The following CARD6 variants were observed in gnomAD, a reference collection of about 807,000 sequenced individuals.
CARD6 encodes caspase recruitment domain-containing protein 6.
In CARD6, 27 loss-of-function variants were observed where a neutral mutation model predicts 23.6. The ratio of observed to expected loss-of-function variants is 1.14; its 90% CI spans 0.84 to 1.58. The LOEUF is 1.58. Ranked by LOEUF, CARD6 falls within the 40% of genes most tolerant of loss-of-function variation. The pLI, the probability that CARD6 is intolerant of heterozygous loss-of-function variation, is 0.00. For synonymous variants in CARD6, 397 were observed against 431.8 expected (o/e 0.92, Z 1.00); for missense variants, 1,214 against 1,209.9 (o/e 1.00, Z -0.05).
rs1746156133 is a variant in CARD6 at position 40,854,531 on chromosome 5, TA to T, written c.*89del. The T allele has an allele frequency of 9.6e-7, 1 of 1,038,888 alleles. No homozygotes were observed. The highest frequency in any genetic ancestry group is 2.2e-5 in the Admixed American group (1 of 45,018). The allele number at this position is 1,038,888 out of a possible 1,614,324, so 64.4% of individuals were successfully genotyped here. A position where few individuals can be genotyped will look rare whatever the true frequency, so the allele number is the denominator to read the frequency against. On this transcript the variant is annotated 3_prime_UTR_variant, in exon 3 of 3. Coordinates refer to ENST00000254691, the MANE Select transcript of CARD6 (RefSeq NM_032587.4). ...GTAAGCAGAAGAGTTGCCATGAAAG[TA>T]AAAGACTACTGTCATTAGCATGTAA...
intron 1 of CARD6, among the ~76,000 whole-genome samples, chr5:40,842,346 G>T (rs1745876374): frequency 6.6e-6 from 1 of 152,224 alleles, no homozygotes; most frequent in South Asian, 2.1e-4. Flanking sequence ...TAGAGAGGTA[G>T]AGGCTCAGAT....
chr5:40,844,576 T>C (rs1451469052), intron 2 of CARD6, among the ~76,000 whole-genome samples: 1 of 152,196 alleles, frequency 6.6e-6, no homozygotes, highest in Non-Finnish European at 1.5e-5. Context: ...GAGAAGTGTT[T>C]CATTGGAGTG....
At chr5:40,845,614 C>T (rs1745953963) in intron 2 of CARD6, among the ~76,000 whole-genome samples, 1 of 152,098 alleles carries the variant, frequency 6.6e-6, no homozygotes, top group South Asian at 2.1e-4. Context: ...ATAGTATCAT[C>T]ATTATTCTGC....
chr5:40,850,230 T>C (rs1746038443), intron 2 of CARD6, among the ~76,000 whole-genome samples: 1 of 151,094 alleles, frequency 6.6e-6, no homozygotes, highest in Non-Finnish European at 1.5e-5. Context: ...CTGGCTAACA[T>C]AGTGAAACCC....
chr5:40,847,961 T>C (rs1163687258), intron 2 of CARD6, among the ~76,000 whole-genome samples: 1 of 152,028 alleles, frequency 6.6e-6, no homozygotes, highest in Non-Finnish European at 1.5e-5. Context: ...ATTTTAGAGT[T>C]TTAAAAATAT....
chr5:40,844,868 CTTTT>C (rs761641223), intron 2 of CARD6, among the ~76,000 whole-genome samples: 2 of 134,506 alleles, frequency 1.5e-5, no homozygotes, highest in Admixed American at 7.6e-5. Context: ...TTGCTTCCTT[CTTTT>C]TTTTTTTTTT....
At chr5:40,847,077 T>A (rs949626232) in intron 2 of CARD6, among the ~76,000 whole-genome samples, 1 of 152,246 alleles carries the variant, frequency 6.6e-6, no homozygotes, top group African/African-American at 2.4e-5. Context: ...GAAGTCTTAA[T>A]AATAATGTAG....
At chr5:40,846,400 T>G (rs1745967982) in intron 2 of CARD6, among the ~76,000 whole-genome samples, 1 of 152,032 alleles carries the variant, frequency 6.6e-6, no homozygotes. Flanking sequence ...GTGAAGGCCT[T>G]TTGAGTCTTA....
Position 40,853,657 on chromosome 5 carries a change from G to A in CARD6, c.2325G>A (p.Gly775=), listed in dbSNP as rs1272179254. The A allele has an allele frequency of 9.9e-6, 16 of 1,614,064 alleles. No homozygotes were observed. The highest frequency in any genetic ancestry group is 2.2e-5 in the East Asian group (1 of 44,898). ...ATCCTTTGCCTTTTCAGAATGCAGG[G>A]GCCCAGGGCCGAGGTAAAAGTTTTG... ...WFHPLPFQNA[G]AQGRGKSFGI... is the part of the protein sequence containing the mutation. The change falls in exon 3 of 3, where the codon GGG becomes GGA. Residue 775 remains glycine (G), a synonymous_variant. Transcript: ENST00000254691.
At position 40,841,578 on chromosome 5, in the gene CARD6, A is replaced by G; in HGVS notation, c.196A>G (p.Lys66Glu). ...KSRKLLILVQ[K>E]KGEATCQHFL... The stretch of plus-strand genomic sequence containing the variant: ...TCGGAAGCTGTTAATTTTGGTACAG[A>G]AAAAGGGAGAGGCGACCTGTCAGCA... Residue 66 changes from lysine (K) to glutamate (E), a missense_variant, in exon 1 of 3, where the codon AAA becomes GAA. By Grantham distance (56) the Lys-to-Glu change is moderately conservative. Transcript: ENST00000254691. 1.9e-6 allele frequency: 3 copies of G among 1,614,060 alleles called. No individual in the cohort carries two copies. Among genetic ancestry groups the G allele is most frequent in the Non-Finnish European group, 2.5e-6 (3 of 1,179,936 alleles).
At position 40,854,293 on chromosome 5, in the gene CARD6, C is replaced by T. The variant is rs774157475; in HGVS notation, c.2961C>T (p.Cys987=). ...CCTCCCAAACTAAACCTTCTCCATG[C>T]AAATCTACTCAGCCTAAGCCAAGCC... is the stretch of plus-strand genomic sequence containing the variant. The part of the protein sequence containing the change: ...SQPSQTKPSP[C]KSTQPKPSQP... Residue 987 remains cysteine (C), a synonymous_variant, in exon 3 of 3, where the codon TGC becomes TGT. Coordinates refer to ENST00000254691, the MANE Select transcript of CARD6 (RefSeq NM_032587.4). The T allele has an allele frequency of 3.1e-6, 5 of 1,614,032 alleles. No individual in the cohort carries two copies. In the East Asian group the frequency reaches 8.9e-5, roughly 29 times the overall value.
chr5:40,842,963 G>A (rs1296913260), intron 1 of CARD6, among the ~76,000 whole-genome samples, 189 bp from the exon 2 acceptor site: 3 of 152,168 alleles, frequency 2.0e-5, no homozygotes, highest in Admixed American at 6.5e-5. Context: ...ACCTGAACCC[G>A]GGAGGTTGAG....
At chr5:40,845,959 T>C (rs1039605859) in intron 2 of CARD6, among the ~76,000 whole-genome samples, 1 of 152,038 alleles carries the variant, frequency 6.6e-6, no homozygotes, top group Non-Finnish European at 1.5e-5. Context: ...TGAAGGCTGG[T>C]CTCTCATCTT....
At position 40,843,635 on chromosome 5, in the gene CARD6, C is replaced by T; in HGVS notation, c.767C>T (p.Ser256Phe). 6.3e-7 allele frequency: 1 copy of T among 1,593,748 alleles called. No homozygotes were observed. Among genetic ancestry groups the T allele is most frequent in the Non-Finnish European group, 8.5e-7 (1 of 1,173,986 alleles). ...DFENSETTEF[S>F]GEEPSYEGSE... ...GAGAATTCAGAAACCACAGAGTTCT[C>T]TGGTGAAGAACCAAGTTATGAGGGA... Residue 256 changes from serine to phenylalanine, a missense_variant, in exon 2 of 3, where the codon TCT becomes TTT. Coordinates refer to ENST00000254691, the MANE Select transcript of CARD6 (RefSeq NM_032587.4).
rs766367247 is a variant in CARD6, at chr5:40,853,320, A to C, written c.1988A>C (p.Asn663Thr). The stretch of plus-strand genomic sequence containing the variant: ...ATTCAGGTAGATGAAGACTTTGAAA[A>C]CACTCAGAGAATTCAAGTTTCCTCT... ...LGIQVDEDFENTQRIQVSSGE... is the reference protein window; with the variant it reads ...LGIQVDEDFETTQRIQVSSGE... The change falls in exon 3 of 3, where the codon AAC becomes ACC. Residue 663 changes from asparagine (N) to threonine (T), a missense_variant. Transcript: ENST00000254691. 6.2e-7 allele frequency: 1 copy of C among 1,614,106 alleles called. No individual in the cohort carries two copies. The highest frequency in any genetic ancestry group is 1.1e-5 in the South Asian group (1 of 91,086).
chr5:40,842,617 A>C (rs547008718), intron 1 of CARD6, among the ~76,000 whole-genome samples: 1 of 152,084 alleles, frequency 6.6e-6, no homozygotes, highest in South Asian at 2.1e-4. Context: ...GCTAGGAAGG[A>C]CTCAAACTTT....
intron 2 of CARD6, among the ~76,000 whole-genome samples, chr5:40,850,300 G>A (rs1746040411): frequency 6.6e-6 from 1 of 150,680 alleles, no homozygotes; most frequent in African/African-American, 2.4e-5. Flanking sequence ...TATGGTCCCA[G>A]CTACTTGGGA....
rs544825072 is a variant in CARD6 at position 40,853,931 on chromosome 5, T to G, written c.2599T>G (p.Trp867Gly). ...GCCAGCAAGAGCAGTAGGGAAGCCA[T>G]GGCCTCAGCAAGCTTGCACCAGGGT... ...SQPARAVGKPWPQQACTRVTE... is the reference protein window; with the variant it reads ...SQPARAVGKPGPQQACTRVTE... The change falls in exon 3 of 3, where the codon TGG (tryptophan) becomes GGG (glycine). Residue 867 changes from tryptophan (W) to glycine (G), a missense_variant. Coordinates refer to ENST00000254691, the MANE Select transcript of CARD6 (RefSeq NM_032587.4). 6.2e-7 allele frequency: 1 copy of G among 1,614,136 alleles called. No individual in the cohort carries two copies. Among genetic ancestry groups the G allele is most frequent in the South Asian group, 1.1e-5 (1 of 91,084 alleles).
chr5:40,849,069 A>G (rs1746013792), intron 2 of CARD6, among the ~76,000 whole-genome samples: 3 of 151,720 alleles, frequency 2.0e-5, no homozygotes, highest in Admixed American at 2.0e-4. Flanking sequence ...GCTCACTGCA[A>G]CCCTGCAACC....
Sources: allele counts gnomAD v4.1 joint callset (sites outside exome capture counted in the v4.1 genomes callset), GRCh38; gene constraint gnomAD v4.1.1; transcripts MANE v1.5; gene names NCBI Gene and HGNC (gene_info 2026-07-23, HGNC 2026-07-21).